PRMT3: variants seen among roughly 807,000 people sequenced by gnomAD.
The protein encoded by PRMT3 is protein arginine methyltransferase 3, also known as protein arginine N-methyltransferase 3.
In PRMT3, 62 loss-of-function variants were observed where a neutral mutation model predicts 71.9. That is an observed-to-expected ratio of 0.86 (90% CI 0.70 to 1.07). The LOEUF (loss-of-function observed/expected upper bound fraction) is 1.07. Among genes scored for constraint, PRMT3 ranks in the 50% least tolerant of loss-of-function variants. PRMT3 has a pLI of 0.00. For synonymous variants in PRMT3, 213 were observed against 220.4 expected (o/e 0.97, Z 0.30); for missense variants, 663 against 643.0 (o/e 1.03, Z -0.34).
chr11:20,409,692 C>CACACACACAT (rs397826482), intron 9 of PRMT3, among the ~76,000 whole-genome samples: 6 of 149,548 alleles, frequency 4.0e-5, no homozygotes, highest in Non-Finnish European at 8.9e-5. Context: ...CACACACACA[C>CACACACACAT]GTTGCATTTG....
chr11:20,507,501 C>T (rs1020773396), intron 15 of PRMT3, among the ~76,000 whole-genome samples: 2 of 152,328 alleles, frequency 1.3e-5, no homozygotes, highest in African/African-American at 2.4e-5. Flanking sequence ...CAGGGCTGGG[C>T]GCAGTGGCTT....
At chr11:20,442,466 T>G (rs1391892232) in intron 10 of PRMT3, among the ~76,000 whole-genome samples, 1 of 152,182 alleles carries the variant, frequency 6.6e-6, no homozygotes, top group Non-Finnish European at 1.5e-5. Flanking sequence ...ATGACCATTT[T>G]CTTTTTATTT....
At chr11:20,410,406 G>T (rs1160207510) in intron 9 of PRMT3, among the ~76,000 whole-genome samples, 1 of 151,958 alleles carries the variant, frequency 6.6e-6, no homozygotes, top group Non-Finnish European at 1.5e-5. Flanking sequence ...GGAGGAACGA[G>T]ACACTGGAAT....
chr11:20,493,923 T>A lies in PRMT3; in HGVS notation c.1352T>A (p.Ile451Asn). The change falls in exon 14 of 16, where the codon ATT (isoleucine) becomes AAT (asparagine). Residue 451 changes from isoleucine to asparagine, a missense_variant. By Grantham distance (149) the Ile-to-Asn change is moderately radical. Coordinates refer to ENST00000331079, the MANE Select transcript of PRMT3 (RefSeq NM_005788.4). Reference protein sequence around the residue: ...KITRTSMCTAIAGYFDIYFEK... With the variant: ...KITRTSMCTANAGYFDIYFEK... The stretch of plus-strand genomic sequence containing the variant: ...ATTTCTTTTTTTAAAAAACAGGCAA[T>A]TGCTGGCTACTTTGATATATATTTT... 1 of 1,583,566 alleles carries A rather than the reference T, an allele frequency of 6.3e-7. No homozygotes were observed. The highest frequency in any genetic ancestry group is 8.6e-7 in the Non-Finnish European group (1 of 1,158,460).
At chr11:20,412,774 G>A (rs1849223063) in intron 9 of PRMT3, among the ~76,000 whole-genome samples, 1 of 152,070 alleles carries the variant, frequency 6.6e-6, no homozygotes, top group Non-Finnish European at 1.5e-5. Flanking sequence ...TGGTGCAGGT[G>A]TAACTGAATC....
At chr11:20,425,579 AAACT>A (rs1849528790) in intron 9 of PRMT3, among the ~76,000 whole-genome samples, 1 of 152,240 alleles carries the variant, frequency 6.6e-6, no homozygotes, top group African/African-American at 2.4e-5. Context: ...AGGAACAAAC[AAACT>A]ACTGATATAC....
At chr11:20,483,566 A>C (rs978251152) in intron 13 of PRMT3, among the ~76,000 whole-genome samples, 2 of 152,086 alleles carry the variant, frequency 1.3e-5, no homozygotes, top group Admixed American at 6.6e-5. Context: ...AAAAAAAAAA[A>C]AAAAAATACT....
At chr11:20,487,059 G>A (rs1350814233) in intron 13 of PRMT3, among the ~76,000 whole-genome samples, 12 of 144,884 alleles carry the variant, frequency 8.3e-5, no homozygotes, top group Admixed American at 6.9e-5. Flanking sequence ...TCCATCTCAA[G>A]AAAAAAAAAA....
intron 11 of PRMT3, among the ~76,000 whole-genome samples, chr11:20,455,959 T>C (rs1408616312): frequency 1.3e-5 from 2 of 151,928 alleles, no homozygotes; most frequent in East Asian, 3.9e-4. Context: ...AAAGGAAACA[T>C]AGGTTTATAA....
At chr11:20,468,878 A>G (rs960898081) in intron 13 of PRMT3, among the ~76,000 whole-genome samples, 5 of 152,214 alleles carry the variant, frequency 3.3e-5, no homozygotes, top group Non-Finnish European at 7.3e-5. Flanking sequence ...AGTCTTCTCC[A>G]CCACCAAATA....
chr11:20,489,727 T>A (rs890410903), intron 13 of PRMT3, among the ~76,000 whole-genome samples: 1 of 152,060 alleles, frequency 6.6e-6, no homozygotes, highest in Non-Finnish European at 1.5e-5. Context: ...ACACTAATCA[T>A]AATTCATTTG....
At chr11:20,480,627 G>C (rs1590098003) in intron 13 of PRMT3, among the ~76,000 whole-genome samples, 4 of 152,252 alleles carry the variant, frequency 2.6e-5, no homozygotes, top group South Asian at 2.1e-4. Context: ...CACCAGAGTG[G>C]ATGTGGGAGG....
At chr11:20,493,734 A>T (rs528642109) in intron 13 of PRMT3, among the ~76,000 whole-genome samples, 185 bp from the exon 14 acceptor site, 1 of 152,330 alleles carries the variant, frequency 6.6e-6, no homozygotes, top group South Asian at 2.1e-4. Flanking sequence ...TGTTTCTGTG[A>T]GGAAAAGCCA....
intron 13 of PRMT3, among the ~76,000 whole-genome samples, chr11:20,490,624 T>A (rs1048542320): frequency 6.6e-5 from 10 of 152,056 alleles, no homozygotes; most frequent in African/African-American, 2.4e-4. Context: ...GCAGCTTTTG[T>A]GACATCTTCA....
intron 9 of PRMT3, among the ~76,000 whole-genome samples, chr11:20,425,655 G>C (rs1849530090): frequency 6.6e-6 from 1 of 152,152 alleles, no homozygotes; most frequent in South Asian, 2.1e-4. Flanking sequence ...GGCACAAAAA[G>C]AATCAGCACG....
At chr11:20,426,117 G>T (rs1333851245) in intron 9 of PRMT3, among the ~76,000 whole-genome samples, 1 of 152,178 alleles carries the variant, frequency 6.6e-6, no homozygotes, top group Non-Finnish European at 1.5e-5. Context: ...AGTGCCACTG[G>T]TCAAGGTTAA....
intron 10 of PRMT3, among the ~76,000 whole-genome samples, chr11:20,431,540 A>G (rs750455100): frequency 4.6e-5 from 7 of 152,168 alleles, no homozygotes; most frequent in Non-Finnish European, 7.4e-5. Context: ...TAACAGTTGA[A>G]AATAATCATA....
intron 9 of PRMT3, among the ~76,000 whole-genome samples, chr11:20,415,458 T>C (rs893383083): frequency 1.3e-5 from 2 of 151,984 alleles, no homozygotes; most frequent in Non-Finnish European, 2.9e-5. Context: ...CAGAAAAGGG[T>C]ATAGTGCAGA....
chr11:20,460,619 G>A (rs1191369732), intron 11 of PRMT3, among the ~76,000 whole-genome samples: 5 of 151,998 alleles, frequency 3.3e-5, no homozygotes, highest in African/African-American at 1.2e-4. Context: ...CTTCAACTTA[G>A]ATATCCTTTT....
Sources: allele counts gnomAD v4.1 joint callset (sites outside exome capture counted in the v4.1 genomes callset), GRCh38; gene constraint gnomAD v4.1.1; transcripts MANE v1.5; gene names NCBI Gene and HGNC (gene_info 2026-07-23, HGNC 2026-07-21).